The following RAD50 variants were observed in gnomAD, a reference collection of about 807,000 sequenced individuals.
The protein encoded by RAD50 is RAD50 double strand break repair protein, also known as DNA repair protein RAD50.
RAD50 carries 132 observed loss-of-function variants against 168.8 expected under a neutral mutation model. The observed-to-expected ratio is 0.78, with a 90% CI of 0.68 to 0.90. The LOEUF (loss-of-function observed/expected upper bound fraction) is 0.90. Ranked by LOEUF, RAD50 falls within the 40% of genes least tolerant of loss-of-function variation. The pLI, the probability that RAD50 is intolerant of heterozygous loss-of-function variation, is 0.00. For missense variants in RAD50, 1,347 were observed against 1,534.4 expected, an observed-to-expected ratio of 0.88 and a Z score of 2.04; for synonymous variants, 525 against 497.4, an observed-to-expected ratio of 1.06 and a Z score of -0.74.
chr5:132,615,765 GA>G (rs916586964), intron 19 of RAD50, among the ~76,000 whole-genome samples: 1 of 152,144 alleles, frequency 6.6e-6, no homozygotes, highest in Admixed American at 6.5e-5. Context: ...TTATGGTTGT[GA>G]AAGAGCAGTA....
chr5:132,575,987 T>C (rs911837625), intron 3 of RAD50, 59 bp downstream of exon 3: 25 of 1,464,468 alleles, frequency 1.7e-5, no homozygotes, highest in Non-Finnish European at 2.3e-5. Flanking sequence ...GGTCTGTAAG[T>C]TGATGGTTGT....
chr5:132,578,159 C>G (rs986972449), intron 3 of RAD50, among the ~76,000 whole-genome samples: 10 of 152,180 alleles, frequency 6.6e-5, no homozygotes, highest in Admixed American at 2.0e-4. Flanking sequence ...AACTTAGGTT[C>G]AACGTTTCCA....
chr5:132,613,550 C>T (rs1463271564), intron 19 of RAD50, among the ~76,000 whole-genome samples: 1 of 148,964 alleles, frequency 6.7e-6, no homozygotes, highest in African/African-American at 2.5e-5. Context: ...GAGTCAGGCA[C>T]TATACTGATT....
chr5:132,592,199 A>C (rs191682067), intron 11 of RAD50, among the ~76,000 whole-genome samples, 165 bp downstream of exon 11: 5 of 152,358 alleles, frequency 3.3e-5, no homozygotes, highest in Admixed American at 2.6e-4. Flanking sequence ...TGGAATTAAA[A>C]GATAAAAATT....
At position 132,598,292 on chromosome 5, in the gene RAD50, C is replaced by T. The variant is rs115087843; in HGVS notation, c.2207+2482C>T. On this transcript the variant is annotated intron_variant, in intron 13 of 24. Coordinates refer to ENST00000378823, the MANE Select transcript of RAD50 (RefSeq NM_005732.4). ...TTTCAAACTCCTCACCTCAGGCAAT[C>T]GCCTGCCTCAGCCTCCCAAAGTGCT... Among the ~76,000 whole-genome samples, 1,517 of 152,190 alleles carry T rather than the reference C, an allele frequency of 1.0e-2. 26 individuals carry two copies. The highest frequency in any genetic ancestry group is 0.035 in the African/African-American group (1,434 of 41,512).
intron 9 of RAD50, 121 bp downstream of exon 9, chr5:132,589,958 A>C: frequency 1.3e-4 from 118 of 929,444 alleles, no homozygotes; most frequent in Non-Finnish European, 1.8e-4. Context: ...TCTTATTCTC[A>C]TGTAAAATGA....
At chr5:132,560,766 A>C (rs1455540765) in intron 2 of RAD50, among the ~76,000 whole-genome samples, 1 of 152,116 alleles carries the variant, frequency 6.6e-6, no homozygotes, top group East Asian at 1.9e-4. Flanking sequence ...GTTTCTCTTG[A>C]TGGATCATTC....
At chr5:132,573,189 A>AT (rs1227685700) in intron 2 of RAD50, among the ~76,000 whole-genome samples, 1 of 152,186 alleles carries the variant, frequency 6.6e-6, no homozygotes, top group Non-Finnish European at 1.5e-5. Flanking sequence ...CAGGAAAGCT[A>AT]TGTATACTGT....
chr5:132,586,635 A>G lies in RAD50; in HGVS notation c.757-927A>G, dbSNP rs548265448. On this transcript the variant is annotated intron_variant, in intron 5 of 24. Coordinates refer to ENST00000378823, the MANE Select transcript of RAD50 (RefSeq NM_005732.4). Reference sequence around the variant, plus strand: ...TTAATAAATTATGTTAAAGTCGAGGATGCATTTTGGTGCAATTATGAAAGC... The same window carrying G: ...TTAATAAATTATGTTAAAGTCGAGGGTGCATTTTGGTGCAATTATGAAAGC... 3.9e-5 allele frequency among the ~76,000 whole-genome samples: 6 copies of G among 152,300 alleles called. No homozygotes were observed. In the East Asian group the frequency reaches 1.2e-3, roughly 29 times the overall value.
At chr5:132,628,252 A>G (rs1751401794) in intron 21 of RAD50, among the ~76,000 whole-genome samples, 1 of 152,152 alleles carries the variant, frequency 6.6e-6, no homozygotes, top group Non-Finnish European at 1.5e-5. Context: ...ATGAGATGAG[A>G]TCACATGTGG....
chr5:132,568,374 C>T (rs531962809), intron 2 of RAD50, among the ~76,000 whole-genome samples: 36 of 152,112 alleles, frequency 2.4e-4, no homozygotes, highest in South Asian at 1.5e-3. Context: ...TGAGCCACGA[C>T]GCCCGACCGG....
intron 21 of RAD50, among the ~76,000 whole-genome samples, chr5:132,622,441 G>T (rs373329174): frequency 6.6e-6 from 1 of 152,130 alleles, no homozygotes; most frequent in Non-Finnish European, 1.5e-5. Flanking sequence ...TTACAGATGC[G>T]AGCCACTGCG....
chr5:132,559,651 T>G (rs1485469033), intron 2 of RAD50, among the ~76,000 whole-genome samples: 1 of 152,240 alleles, frequency 6.6e-6, no homozygotes. Flanking sequence ...ATCTGGGTGT[T>G]TGGTATGTAA....
At chr5:132,609,941 A>G (rs1332438667) in intron 19 of RAD50, among the ~76,000 whole-genome samples, 4 of 152,034 alleles carry the variant, frequency 2.6e-5, no homozygotes, top group Non-Finnish European at 5.9e-5. Flanking sequence ...TTACTTCTAC[A>G]TGTCATTAAC....
At chr5:132,610,482 G>A (rs2149850471) in intron 19 of RAD50, among the ~76,000 whole-genome samples, 1 of 152,068 alleles carries the variant, frequency 6.6e-6, no homozygotes, top group Admixed American at 6.5e-5. Context: ...TGCAAGCATG[G>A]TAGTTAATGC....
rs104895044 is a variant in RAD50, at chr5:132,579,445, C to T, written c.494C>T (p.Pro165Leu). The change falls in exon 4 of 25, where the codon CCT (proline) becomes CTT (leucine). Residue 165 changes from proline to leucine, a missense_variant. This residue lies in a region of RAD50 where 703 missense variants were observed against 767.7 expected (regional missense o/e 0.92). Coordinates refer to ENST00000378823, the MANE Select transcript of RAD50 (RefSeq NM_005732.4). ...TGTCATCAAGAAGATTCTAATTGGC[C>T]TTTAAGTGAAGGAAAGGCTTTGAAG... The part of the protein sequence containing the change: ...IFCHQEDSNW[P>L]LSEGKALKQK... The T allele has an allele frequency of 3.7e-6, 6 of 1,613,760 alleles. No individual in the cohort carries two copies. Among genetic ancestry groups the T allele is most frequent in the South Asian group, 2.2e-5 (2 of 91,068 alleles).
intron 21 of RAD50, among the ~76,000 whole-genome samples, chr5:132,619,875 T>TATATATATATAAAG (rs1561651762): frequency 1.1e-3 from 110 of 103,888 alleles, no homozygotes; most frequent in African/African-American, 3.2e-3. Flanking sequence ...TATAAAGATA[T>TATATATATATAAAG]ATATATATAT....
rs774934623 is a variant in RAD50 at position 132,595,622 on chromosome 5, A to G, written c.2019A>G (p.Leu673=). The G allele has an allele frequency of 3.7e-6, 6 of 1,614,132 alleles. No individual in the cohort carries two copies. The highest frequency in any genetic ancestry group is 5.1e-6 in the Non-Finnish European group (6 of 1,179,970). The change falls in exon 13 of 25, where the codon CTA becomes CTG. Residue 673 remains leucine (L), a synonymous_variant. Coordinates refer to ENST00000378823, the MANE Select transcript of RAD50 (RefSeq NM_005732.4). The part of the protein sequence containing the change: ...TAVYSQFITQ[L]TDENQSCCPV... The stretch of plus-strand genomic sequence containing the variant: ...TTTACTCCCAGTTCATTACTCAGCT[A>G]ACAGACGAAAACCAGTCATGTTGCC...
chr5:132,615,966 G>C, intron 19 of RAD50, 37 bp from the exon 20 acceptor site: 1 of 1,538,756 alleles, frequency 6.5e-7, no homozygotes, highest in South Asian at 1.1e-5. Context: ...TTAGTAACTT[G>C]GTTATTTTTG....
Sources: allele counts gnomAD v4.1 joint callset (sites outside exome capture counted in the v4.1 genomes callset), GRCh38; gene constraint gnomAD v4.1.1; regional missense constraint gnomAD v4.1.1; transcripts MANE v1.5; gene names NCBI Gene and HGNC (gene_info 2026-07-23, HGNC 2026-07-21).